PCDHGA12: variants seen among roughly 807,000 people sequenced by gnomAD.
PCDHGA12 encodes protocadherin gamma-A12.
A neutral mutation model predicts 61.1 loss-of-function variants in PCDHGA12; 43 were observed. That is an observed-to-expected ratio of 0.70 (90% CI 0.55 to 0.91). The LOEUF (loss-of-function observed/expected upper bound fraction) is 0.91, where lower values mean the gene tolerates loss of function less well. Among genes scored for constraint, PCDHGA12 ranks in the 40% least tolerant of loss-of-function variants. The pLI is 0.00. For synonymous variants in PCDHGA12, 520 were observed against 542.9 expected (o/e 0.96, Z 0.59); for missense variants, 1,236 against 1,227.7 (o/e 1.01, Z -0.10).
intron 2 of PCDHGA12, among the ~76,000 whole-genome samples, chr5:141,501,365 A>G (rs1360125423): frequency 1.3e-5 from 2 of 151,500 alleles, no homozygotes; most frequent in Admixed American, 6.6e-5. Flanking sequence ...AACCATATTC[A>G]TCATCTCTTA....
In PCDHGA12 at chr5:141,430,953, G is replaced by A. The variant is rs2097330054; in HGVS notation, c.194G>A (p.Arg65His). Residue 65 changes from arginine to histidine, a missense_variant, in exon 1 of 4, where the codon CGC becomes CAC. Coordinates refer to ENST00000252085, the MANE Select transcript of PCDHGA12 (RefSeq NM_003735.3). ...EPRELAERGV[R>H]IIPRGRTQLF... ...CGGGAGCTCGCGGAGCGCGGAGTCCGCATCATCCCCAGAGGTAGGACGCAG... is the reference window on the plus strand; with the variant it reads ...CGGGAGCTCGCGGAGCGCGGAGTCCACATCATCCCCAGAGGTAGGACGCAG... The A allele has an allele frequency of 6.2e-7, 1 of 1,611,124 alleles. No homozygotes were observed. The highest frequency in any genetic ancestry group is 1.3e-5 in the African/African-American group (1 of 74,912).
In PCDHGA12 at chr5:141,476,229, C is replaced by T; in HGVS notation, c.2425-18578C>T. ...TCCACGGTCATTCACTATGAGATCC[C>T]GGAGGAAAGAGAGAAGGGTTTCGCT... On this transcript the variant is annotated intron_variant, in intron 1 of 3. Coordinates refer to ENST00000252085, the MANE Select transcript of PCDHGA12 (RefSeq NM_003735.3). The surrounding 1 kb of genome is among the most constrained non-coding windows in gnomAD (Gnocchi z 7.6). 1 of 1,613,872 alleles carries T rather than the reference C, an allele frequency of 6.2e-7. No individual in the cohort carries two copies. The highest frequency in any genetic ancestry group is 2.2e-5 in the East Asian group (1 of 44,822).
intron 2 of PCDHGA12, among the ~76,000 whole-genome samples, chr5:141,499,689 CTT>C (rs545067566): frequency 7.5e-5 from 9 of 119,852 alleles, no homozygotes; most frequent in African/African-American, 9.3e-5. Flanking sequence ...TAACAGATGA[CTT>C]TTTTTTTTTT....
In PCDHGA12 at chr5:141,432,927, G is replaced by A; in HGVS notation, c.2168G>A (p.Arg723His). Residue 723 changes from arginine to histidine, a missense_variant, in exon 1 of 4, where the codon CGC becomes CAC. Coordinates refer to ENST00000252085, the MANE Select transcript of PCDHGA12 (RefSeq NM_003735.3). This position sits in a 1 kb window ranked among gnomAD's most constrained non-coding sequence, Gnocchi z 6.0. ...AGGCTGCGGCGCTGGCACAAGTCACGCCTGCTGCAGGCTTCAGGAGGCGGC... is the reference window on the plus strand; with the variant it reads ...AGGCTGCGGCGCTGGCACAAGTCACACCTGCTGCAGGCTTCAGGAGGCGGC... ...ALRLRRWHKS[R>H]LLQASGGGLT... is the part of the protein sequence containing the mutation. 6.2e-7 allele frequency: 1 copy of A among 1,614,162 alleles called. No individual in the cohort carries two copies. Among genetic ancestry groups the A allele is most frequent in the Non-Finnish European group, 8.5e-7 (1 of 1,180,032 alleles).
At chr5:141,478,428 C>G in intron 1 of PCDHGA12, 1 of 1,613,746 alleles carries the variant, frequency 6.2e-7, no homozygotes. Flanking sequence ...CGCAGCGACC[C>G]GCTGCTGAAG....
chr5:141,439,790 C>G (rs2098131627), intron 1 of PCDHGA12: 2 of 152,248 alleles, frequency 1.3e-5, no homozygotes, highest in Non-Finnish European at 2.9e-5. Flanking sequence ...TTCTATAATC[C>G]AAGAAGAGTT....
chr5:141,480,336 G>A (rs755963190), intron 1 of PCDHGA12, among the ~76,000 whole-genome samples: 1 of 151,988 alleles, frequency 6.6e-6, no homozygotes, highest in Non-Finnish European at 1.5e-5. Flanking sequence ...AATTGCTTGA[G>A]CCTGGGAGGT....
At chr5:141,480,591 T>G (rs557048485) in intron 1 of PCDHGA12, among the ~76,000 whole-genome samples, 1 of 138,080 alleles carries the variant, frequency 7.2e-6, no homozygotes, top group South Asian at 2.2e-4. Flanking sequence ...GCCGCTCTTC[T>G]GGTCAGCCTG....
Position 141,432,480 on chromosome 5 carries a change from G to T in PCDHGA12, c.1721G>T (p.Gly574Val), listed in dbSNP as rs775075732. The change falls in exon 1 of 4, where the codon GGC (glycine) becomes GTC (valine). Residue 574 changes from glycine to valine, a missense_variant. By Grantham distance (109) the Gly-to-Val change is moderately radical. Transcript: ENST00000252085. This position sits in a 1 kb window ranked among gnomAD's most constrained non-coding sequence, Gnocchi z 6.0. ...GCCCTCCCCACGGACGGTTCCACTG[G>T]CGTGGAGCTGGCTCCCCGCTCCGCA... ...YPALPTDGSTGVELAPRSAEP... is the reference protein window; with the variant it reads ...YPALPTDGSTVVELAPRSAEP... The T allele has an allele frequency of 1.9e-6, 3 of 1,614,180 alleles. No individual in the cohort carries two copies. The highest frequency in any genetic ancestry group is 2.2e-5 in the South Asian group (2 of 91,078).
chr5:141,462,818 C>T (rs1280335120), intron 1 of PCDHGA12, among the ~76,000 whole-genome samples: 1 of 152,120 alleles, frequency 6.6e-6, no homozygotes, highest in East Asian at 1.9e-4. Flanking sequence ...TTTTATTGGA[C>T]AGCAGACATT....
intron 2 of PCDHGA12, among the ~76,000 whole-genome samples, chr5:141,495,094 C>T (rs1470702358): frequency 6.6e-6 from 1 of 152,156 alleles, no homozygotes; most frequent in African/African-American, 2.4e-5. Flanking sequence ...CTTCCCTCCT[C>T]GCCACGACCG....
intron 2 of PCDHGA12, among the ~76,000 whole-genome samples, chr5:141,499,256 A>G (rs371266271): frequency 6.6e-6 from 1 of 151,968 alleles, no homozygotes; most frequent in Non-Finnish European, 1.5e-5. Context: ...AAGAGTCTCC[A>G]TTTGGTCCCT....
chr5:141,492,077 C>G (rs917149790), intron 1 of PCDHGA12: 1 of 483,342 alleles, frequency 2.1e-6, no homozygotes, highest in African/African-American at 2.0e-5. Context: ...GGCGCCGGCT[C>G]CGGCACGCTT....
At chr5:141,450,190 G>A (rs1368992094) in intron 1 of PCDHGA12, among the ~76,000 whole-genome samples, 1 of 151,588 alleles carries the variant, frequency 6.6e-6, no homozygotes, top group African/African-American at 2.4e-5. Flanking sequence ...GCTAATTTTT[G>A]TATTTTTAGT....
intron 1 of PCDHGA12, among the ~76,000 whole-genome samples, chr5:141,436,531 G>T (rs1365651055): frequency 6.6e-6 from 1 of 152,152 alleles, no homozygotes; most frequent in African/African-American, 2.4e-5. Context: ...CCTTTAGCAA[G>T]TTATTTAATC....
chr5:141,476,238 G>C lies in PCDHGA12; in HGVS notation c.2425-18569G>C, dbSNP rs764976894. ...ATTCACTATGAGATCCCGGAGGAAA[G>C]AGAGAAGGGTTTCGCTGTGGGCAAC... On this transcript the variant is annotated intron_variant, in intron 1 of 3. Coordinates refer to ENST00000252085, the MANE Select transcript of PCDHGA12 (RefSeq NM_003735.3). The surrounding 1 kb of genome is among the most constrained non-coding windows in gnomAD (Gnocchi z 7.6). 1 of 1,614,098 alleles carries C rather than the reference G, an allele frequency of 6.2e-7. No individual in the cohort carries two copies.
In PCDHGA12 at chr5:141,491,607, T is replaced by G; in HGVS notation, c.2425-3200T>G. On this transcript the variant is annotated intron_variant, in intron 1 of 3. Coordinates refer to ENST00000252085, the MANE Select transcript of PCDHGA12 (RefSeq NM_003735.3). The surrounding 1 kb of genome is among the most constrained non-coding windows in gnomAD (Gnocchi z 6.9). ...CCTCGGACGGCAGTGACTTCACTTT[T>G]CTAAGACCCCTCAGCGTTCAGCAGC... 6.2e-7 allele frequency: 1 copy of G among 1,613,932 alleles called. No homozygotes were observed. The highest frequency in any genetic ancestry group is 1.1e-5 in the South Asian group (1 of 91,084).
chr5:141,504,379 G>A lies in PCDHGA12; in HGVS notation c.2484-1014G>A, dbSNP rs181617363. On this transcript the variant is annotated intron_variant, in intron 2 of 3. Transcript: ENST00000252085. ...GCTTCAGTAGGAAGCAGGTGGAGTC[G>A]CTGCCTCACAGAAGCCAGTGTGGTG... Among the ~76,000 whole-genome samples the A allele has an allele frequency of 2.4e-3, 361 of 152,206 alleles. 1 individual carries two copies. The highest frequency in any genetic ancestry group is 0.021 in the Admixed American group (315 of 15,286).
At chr5:141,435,271 T>C (rs1242477213) in intron 1 of PCDHGA12, among the ~76,000 whole-genome samples, 1 of 152,216 alleles carries the variant, frequency 6.6e-6, no homozygotes, top group African/African-American at 2.4e-5. Context: ...CCATTTATAC[T>C]TTCTCAGTAT....
Sources: allele counts gnomAD v4.1 joint callset (sites outside exome capture counted in the v4.1 genomes callset), GRCh38; gene constraint gnomAD v4.1.1; non-coding constraint Gnocchi (gnomAD v3.1); transcripts MANE v1.5; gene names NCBI Gene and HGNC (gene_info 2026-07-23, HGNC 2026-07-21).